Variants in RIIAD1 observed in about 807,000 individuals in gnomAD.
RIIAD1 encodes regulatory subunit of type II PKA R-subunit domain containing 1, also known as RIIa domain-containing protein 1.
RIIAD1 carries 15 observed loss-of-function variants against 13.3 expected under a neutral mutation model. That is an observed-to-expected ratio of 1.13 (90% CI 0.76 to 1.74). The LOEUF (loss-of-function observed/expected upper bound fraction) is 1.74. Ranked by LOEUF, RIIAD1 falls within the 40% of genes most tolerant of loss-of-function variation. The pLI is 0.00. For missense variants in RIIAD1, 121 were observed against 112.2 expected (o/e 1.08, Z -0.35); for synonymous variants, 50 against 43.3 (o/e 1.16, Z -0.61).
At chr1:151,714,191 T>C (rs1377442197) in intron 3 of RIIAD1, among the ~76,000 whole-genome samples, 4 of 151,992 alleles carry the variant, frequency 2.6e-5, no homozygotes. Flanking sequence ...TCCTCCCTCA[T>C]CTCACAGCCA....
At chr1:151,721,929 T>C (rs1196418430) in intron 1 of RIIAD1, 157 bp from the exon 2 acceptor site, 4 of 628,048 alleles carry the variant, frequency 6.4e-6, no homozygotes, top group African/African-American at 1.8e-5. Flanking sequence ...CAGAATGATA[T>C]TTTATCTGTA....
intron 2 of RIIAD1, among the ~76,000 whole-genome samples, chr1:151,725,852 C>A (rs995829720): frequency 6.6e-6 from 1 of 152,116 alleles, no homozygotes; most frequent in Non-Finnish European, 1.5e-5. Context: ...CCCCAGCATT[C>A]AAGGCTCTCC....
upstream of RIIAD1, among the ~76,000 whole-genome samples, chr1:151,720,551 C>T (rs1468092986): frequency 6.6e-6 from 1 of 152,246 alleles, no homozygotes; most frequent in African/African-American, 2.4e-5. Flanking sequence ...TTCTTTTCCT[C>T]AGTCTTTGCT....
intron 4 of RIIAD1, chr1:151,714,656 A>C (rs1309015162): frequency 1.3e-6 from 2 of 1,559,050 alleles, no homozygotes; most frequent in Non-Finnish European, 8.7e-7. Flanking sequence ...TCCCGGGCAC[A>C]GTATGTCAGG....
upstream of RIIAD1, chr1:151,719,711 A>T: frequency 1.4e-6 from 1 of 697,586 alleles, no homozygotes; most frequent in Non-Finnish European, 2.6e-6. Context: ...AACACAATAC[A>T]TAATAGTGAG....
chr1:151,727,600 A>C lies in RIIAD1; in HGVS notation c.187A>C (p.Asn63His), dbSNP rs1673855073. 1 of 1,550,416 alleles carries C rather than the reference A, an allele frequency of 6.4e-7. No homozygotes were observed. Among genetic ancestry groups the C allele is most frequent in the African/African-American group, 1.4e-5 (1 of 73,000 alleles). ...FREIFLKRPD[N>H]ILEFAADYFT... ...AGAAATATTTTTGAAAAGACCAGAC[A>C]ACATCCTAGAATTTGCTGCAGGTGA... Residue 63 changes from asparagine to histidine, a missense_variant, in exon 3 of 5, where the codon AAC becomes CAC. Asn to His is a moderately conservative substitution (Grantham distance 68). Coordinates refer to ENST00000479191, the MANE Select transcript of RIIAD1 (RefSeq NM_001144956.3).
chr1:151,724,387 G>T (rs1673790448), intron 2 of RIIAD1, among the ~76,000 whole-genome samples: 1 of 152,220 alleles, frequency 6.6e-6, no homozygotes, highest in South Asian at 2.1e-4. Context: ...TGTTCCCTTT[G>T]ATTGGTACCG....
At chr1:151,721,675 C>A in intron 1 of RIIAD1, 55 bp downstream of exon 1, 1 of 1,124,756 alleles carries the variant, frequency 8.9e-7, no homozygotes, top group Non-Finnish European at 1.2e-6. Flanking sequence ...TGCCCCAGGA[C>A]TGGGGCCCCA....
upstream of RIIAD1, chr1:151,719,622 T>C (rs1673699251): frequency 1.4e-6 from 1 of 702,898 alleles, no homozygotes; most frequent in Non-Finnish European, 2.6e-6. Flanking sequence ...GCAGAATTTA[T>C]GAGAGTGCAC....
chr1:151,719,448 G>A (rs1272862801), upstream of RIIAD1: 1 of 570,088 alleles, frequency 1.8e-6, no homozygotes, highest in African/African-American at 1.9e-5. Flanking sequence ...AATTTATAAA[G>A]GGAGAGCTCT....
chr1:151,718,768 G>A (rs1269293026), upstream of RIIAD1, among the ~76,000 whole-genome samples: 2 of 152,192 alleles, frequency 1.3e-5, no homozygotes. Flanking sequence ...AATGACGGCA[G>A]AGCCAGGGAA....
intron 3 of RIIAD1, chr1:151,728,297 C>T (rs1222666343): frequency 5.7e-6 from 1 of 176,310 alleles, no homozygotes; most frequent in African/African-American, 2.4e-5. Context: ...AGAGGGTATT[C>T]TCAGAGAAGG....
At chr1:151,723,038 G>A (rs144093786) in intron 2 of RIIAD1, among the ~76,000 whole-genome samples, 48 of 152,338 alleles carry the variant, frequency 3.2e-4, no homozygotes, top group African/African-American at 1.1e-3. Context: ...GTAAGCAGTC[G>A]GTCCCCATTT....
upstream of RIIAD1, chr1:151,721,436 C>CT (rs1673731881): frequency 1.6e-6 from 1 of 620,000 alleles, no homozygotes; most frequent in Non-Finnish European, 2.4e-6. Flanking sequence ...CCCTCAGCCC[C>CT]TAGCCCCTGC....
upstream of RIIAD1, among the ~76,000 whole-genome samples, chr1:151,717,301 G>GA (rs984611294): frequency 2.0e-5 from 3 of 152,096 alleles, no homozygotes; most frequent in Non-Finnish European, 4.4e-5. Context: ...GGGGGAAAAA[G>GA]AAAAAATGCA....
chr1:151,726,541 A>C lies in RIIAD1; in HGVS notation c.162-1034A>C, dbSNP rs139371758. Among the ~76,000 whole-genome samples, 349 of 152,296 alleles carry C rather than the reference A, an allele frequency of 2.3e-3. 1 individual carries two copies. Among genetic ancestry groups the C allele is most frequent in the African/African-American group, 8.2e-3 (339 of 41,568 alleles). Reference sequence around the variant, plus strand: ...GCCAAGAGAACATATTATAGAGGGCACTGACCTTGGAGTCACAAGACCTGG... The same window carrying C: ...GCCAAGAGAACATATTATAGAGGGCCCTGACCTTGGAGTCACAAGACCTGG... On this transcript the variant is annotated intron_variant, in intron 2 of 4. Transcript: ENST00000479191.
chr1:151,728,724 C>T (rs1647236094), intron 3 of RIIAD1, 42 bp from the exon 4 acceptor site: 1 of 1,207,442 alleles, frequency 8.3e-7, no homozygotes, highest in Non-Finnish European at 1.2e-6. Flanking sequence ...AATCTTTTCC[C>T]TTTGGGTATA....
In RIIAD1 at chr1:151,727,584, T is replaced by G. The variant is rs1673854654; in HGVS notation, c.171T>G (p.Phe57Leu). The change falls in exon 3 of 5, where the codon TTT becomes TTG. Residue 57 changes from phenylalanine to leucine, a missense_variant. Phe to Leu is a conservative substitution (Grantham distance 22). Coordinates refer to ENST00000479191, the MANE Select transcript of RIIAD1 (RefSeq NM_001144956.3). ...WLISGFFREI[F>L]LKRPDNILEF... ...CCTTAATGTTTTCCAGAGAAATATTTTTGAAAAGACCAGACAACATCCTAG... is the reference window on the plus strand; with the variant it reads ...CCTTAATGTTTTCCAGAGAAATATTGTTGAAAAGACCAGACAACATCCTAG... 2.6e-6 allele frequency: 4 copies of G among 1,549,624 alleles called. No homozygotes were observed. In the East Asian group the frequency reaches 9.8e-5, roughly 38 times the overall value.
intron 2 of RIIAD1, among the ~76,000 whole-genome samples, chr1:151,713,027 C>T (rs1673157412): frequency 6.6e-6 from 1 of 152,238 alleles, no homozygotes; most frequent in Non-Finnish European, 1.5e-5. Context: ...CAGACATCTG[C>T]TCCCCACAAC....
Sources: allele counts gnomAD v4.1 joint callset (sites outside exome capture counted in the v4.1 genomes callset), GRCh38; gene constraint gnomAD v4.1.1; transcripts MANE v1.5; gene names NCBI Gene and HGNC (gene_info 2026-07-23, HGNC 2026-07-21).